NRXN2: variants seen among roughly 807,000 people sequenced by gnomAD.
NRXN2 encodes neurexin 2.
A neutral mutation model predicts 128.8 loss-of-function variants in NRXN2; 29 were observed. The observed-to-expected ratio is 0.23, with a 90% CI of 0.17 to 0.31. NRXN2 has a LOEUF of 0.31. Among genes scored for constraint, NRXN2 ranks in the 10% least tolerant of loss-of-function variants. NRXN2 has a pLI of 1.00. For missense variants in NRXN2, 1,881 were observed against 2,452.6 expected (o/e 0.77, Z 4.92); for synonymous variants, 1,098 against 1,075.2 (o/e 1.02, Z -0.41).
Position 64,706,025 on chromosome 11 carries a change from C to T in NRXN2, c.730+6945G>A, listed in dbSNP as rs76618506. Reference sequence around the variant, plus strand: ...TTCTTCACTACATAACTCTATAATCCCTCTGCACTTCACTCCCAGCTCCCT... The same window carrying T: ...TTCTTCACTACATAACTCTATAATCTCTCTGCACTTCACTCCCAGCTCCCT... On this transcript the variant is annotated intron_variant, in intron 2 of 22. Coordinates refer to ENST00000265459, the MANE Select transcript of NRXN2 (RefSeq NM_015080.4). Among the ~76,000 whole-genome samples the T allele has an allele frequency of 5.9e-3, 700 of 118,040 alleles. 13 individuals carry two copies. Among genetic ancestry groups the T allele is most frequent in the African/African-American group, 0.023 (675 of 29,804 alleles). 77.4% of individuals were successfully genotyped at this position (118,040 alleles called of 152,430 possible).
chr11:64,702,288 G>C (rs144878395), intron 2 of NRXN2, among the ~76,000 whole-genome samples: 1 of 152,188 alleles, frequency 6.6e-6, no homozygotes, highest in African/African-American at 2.4e-5. Context: ...GCCACCACCC[G>C]TCTGGGAGGT....
chr11:64,642,711 T>TGGC (rs761352974), intron 17 of NRXN2: 42 of 1,469,302 alleles, frequency 2.9e-5, no homozygotes, highest in Non-Finnish European at 1.4e-5. Flanking sequence ...GCAGCAGAGG[T>TGGC]GGCGGCGGCG....
At chr11:64,701,380 A>G (rs2055330446) in intron 2 of NRXN2, among the ~76,000 whole-genome samples, 1 of 152,156 alleles carries the variant, frequency 6.6e-6, no homozygotes, top group South Asian at 2.1e-4. Context: ...TCTGCACATA[A>G]TATTTCTTGT....
intron 22 of NRXN2, among the ~76,000 whole-genome samples, chr11:64,612,932 G>A (rs779033833): frequency 3.3e-5 from 5 of 152,180 alleles, no homozygotes; most frequent in Admixed American, 1.3e-4. Flanking sequence ...CAGTGGACAC[G>A]GTCCTGTTCT....
In NRXN2 at chr11:64,667,079, T is replaced by C; in HGVS notation, c.1798+171A>G. Among the ~76,000 whole-genome samples, 1 of 152,016 alleles carries C rather than the reference T, an allele frequency of 6.6e-6. No individual in the cohort carries two copies. Among genetic ancestry groups the C allele is most frequent in the African/African-American group, 2.4e-5 (1 of 41,374 alleles). On this transcript the variant is annotated intron_variant, in intron 9 of 22. Coordinates refer to ENST00000265459, the MANE Select transcript of NRXN2 (RefSeq NM_015080.4). The surrounding 1 kb of genome is among the most constrained non-coding windows in gnomAD (Gnocchi z 5.6). ...AAATGCTGTGCTCTTTCTGCCAATGTCCGATGACAGAAAGGACAATTGGGA... is the reference window on the plus strand; with the variant it reads ...AAATGCTGTGCTCTTTCTGCCAATGCCCGATGACAGAAAGGACAATTGGGA...
chr11:64,709,716 CT>C (rs2056704915), intron 2 of NRXN2, among the ~76,000 whole-genome samples: 1 of 152,098 alleles, frequency 6.6e-6, no homozygotes, highest in African/African-American at 2.4e-5. Flanking sequence ...CAAACACCCA[CT>C]AAGTGCCTGG....
At position 64,626,384 on chromosome 11, in the gene NRXN2, G is replaced by A. The variant is rs2043070239; in HGVS notation, c.3847+79C>T. On this transcript the variant is annotated intron_variant, in intron 20 of 22. Transcript: ENST00000265459. ...GGGTGGGCATTGGTGAAGGCACGGAGGGGGAAAGAGAGAGCTCTGCACCTT... is the reference window on the plus strand; with the variant it reads ...GGGTGGGCATTGGTGAAGGCACGGAAGGGGAAAGAGAGAGCTCTGCACCTT... 5 of 1,188,896 alleles carry A rather than the reference G, an allele frequency of 4.2e-6. No individual in the cohort carries two copies. In the Admixed American group the frequency reaches 7.5e-5, roughly 18 times the overall value. 73.6% of individuals were successfully genotyped at this position (1,188,896 alleles called of 1,614,324 possible).
intron 5 of NRXN2, among the ~76,000 whole-genome samples, chr11:64,690,154 T>C (rs746471479): frequency 1.3e-5 from 2 of 152,232 alleles, no homozygotes; most frequent in African/African-American, 2.4e-5. Context: ...CATAAAAAGA[T>C]ACCTGTGTTC....
At chr11:64,626,937 T>G (rs2043143986) in intron 19 of NRXN2, among the ~76,000 whole-genome samples, 1 of 152,108 alleles carries the variant, frequency 6.6e-6, no homozygotes, top group Admixed American at 6.5e-5. Flanking sequence ...TTTAGCAGGT[T>G]TAAGTTGGGG....
At chr11:64,678,902 A>G (rs1295144471) in intron 6 of NRXN2, among the ~76,000 whole-genome samples, 1 of 152,256 alleles carries the variant, frequency 6.6e-6, no homozygotes, top group Admixed American at 6.5e-5. Context: ...TAAGGGCCTC[A>G]TATAATTAAA....
intron 5 of NRXN2, chr11:64,688,422 G>A (rs907689884): frequency 6.1e-6 from 6 of 984,968 alleles, no homozygotes; most frequent in African/African-American, 5.2e-5. Context: ...AAGATGGTGA[G>A]GAGAGAGAGA....
At chr11:64,717,043 T>C (rs1823432684) in intron 1 of NRXN2, among the ~76,000 whole-genome samples, 1 of 152,098 alleles carries the variant, frequency 6.6e-6, no homozygotes, top group African/African-American at 2.4e-5. Context: ...GCTCCATCCT[T>C]CCTGAGCTCC....
At position 64,631,673 on chromosome 11, in the gene NRXN2, C is replaced by CT. The variant is rs1487750191; in HGVS notation, c.3586-1101dup. The stretch of plus-strand genomic sequence containing the variant: ...GCCCCAGATTTGAACCCCAGCTAGT[C>CT]TGACTTCAAAGCCAGTGTTCTCTCC... On this transcript the variant is annotated intron_variant, in intron 18 of 22. Transcript: ENST00000265459. This position sits in a 1 kb window ranked among gnomAD's most constrained non-coding sequence, Gnocchi z 4.8. 6.6e-6 allele frequency among the ~76,000 whole-genome samples: 1 copy of CT among 152,148 alleles called. No individual in the cohort carries two copies. The highest frequency in any genetic ancestry group is 2.4e-5 in the African/African-American group (1 of 41,408).
Position 64,651,736 on chromosome 11 carries a change from G to T in NRXN2, c.2537-100C>A, listed in dbSNP as rs2047481266. 2 of 1,347,074 alleles carry T rather than the reference G, an allele frequency of 1.5e-6. No homozygotes were observed. The highest frequency in any genetic ancestry group is 2.1e-6 in the Non-Finnish European group (2 of 961,064). The allele number at this position is 1,347,074 out of a possible 1,614,324, so 83.4% of individuals were successfully genotyped here. On this transcript the variant is annotated intron_variant, in intron 13 of 22. Coordinates refer to ENST00000265459, the MANE Select transcript of NRXN2 (RefSeq NM_015080.4). This position sits in a 1 kb window ranked among gnomAD's most constrained non-coding sequence, Gnocchi z 5.9. ...CCCTCCACAGGAGGGCCACCCATGA[G>T]TGACATCTTTAGAGATGTCCTCGGC...
In NRXN2 at chr11:64,648,086, A is replaced by G. The variant is rs2135442971; in HGVS notation, c.3403+133T>C. The G allele has an allele frequency of 7.7e-7, 1 of 1,300,238 alleles. No individual in the cohort carries two copies. Among genetic ancestry groups the G allele is most frequent in the Non-Finnish European group, 1.1e-6 (1 of 916,614 alleles). The allele number at this position is 1,300,238 out of a possible 1,614,324, so 80.5% of individuals were successfully genotyped here. On this transcript the variant is annotated intron_variant, in intron 17 of 22. Transcript: ENST00000265459. This position sits in a 1 kb window ranked among gnomAD's most constrained non-coding sequence, Gnocchi z 4.1. ...GGCCACAGCTCCCCTGGGACTCTGC[A>G]GACAAGGGATGAGAAGGAAGAAGCA... is the stretch of plus-strand genomic sequence containing the variant.
Position 64,630,204 on chromosome 11 carries a change from G to A in NRXN2, c.3757+198C>T, listed in dbSNP as rs2043680064. Among the ~76,000 whole-genome samples the A allele has an allele frequency of 6.7e-6, 1 of 148,948 alleles. No homozygotes were observed. Among genetic ancestry groups the A allele is most frequent in the African/African-American group, 2.5e-5 (1 of 40,320 alleles). The stretch of plus-strand genomic sequence containing the variant: ...CGCACCACCACGGTCTCGCCCCGCC[G>A]CCACAAATCCCGACTTTTCCTAGCC... On this transcript the variant is annotated intron_variant, in intron 19 of 22. Transcript: ENST00000265459. The surrounding 1 kb of genome is among the most constrained non-coding windows in gnomAD (Gnocchi z 4.6).
intron 6 of NRXN2, among the ~76,000 whole-genome samples, chr11:64,679,545 G>A (rs2051881943): frequency 1.3e-5 from 2 of 152,102 alleles, no homozygotes; most frequent in Admixed American, 6.5e-5. Context: ...GCTGAGGCAG[G>A]AGAATGGCGT....
chr11:64,635,346 G>A lies in NRXN2; in HGVS notation c.3510C>T (p.Ser1170=), dbSNP rs369081635. ...CCAGCACAGCGCTCCGCTGGTGGGT[G>A]CTGAAGCCCACGGCCAGGCGATCCA... ...TRMDRLAVGF[S]THQRSAVLVR... Residue 1170 remains serine, a synonymous_variant, in exon 18 of 23, where the codon AGC becomes AGT. Coordinates refer to ENST00000265459, the MANE Select transcript of NRXN2 (RefSeq NM_015080.4). The surrounding 1 kb of genome is among the most constrained non-coding windows in gnomAD (Gnocchi z 4.8). 4 of 1,613,502 alleles carry A rather than the reference G, an allele frequency of 2.5e-6. No individual in the cohort carries two copies. Among genetic ancestry groups the A allele is most frequent in the African/African-American group, 2.7e-5 (2 of 74,934 alleles).
rs769952655 is a variant in NRXN2 at position 64,720,694 on chromosome 11, G to A, written c.-245+2277C>T. Among the ~76,000 whole-genome samples, 19 of 152,318 alleles carry A rather than the reference G, an allele frequency of 1.2e-4. 1 individual carries two copies. Among genetic ancestry groups the A allele is most frequent in the South Asian group, 2.1e-4 (1 of 4,832 alleles). On this transcript the variant is annotated intron_variant, in intron 1 of 22. Transcript: ENST00000265459. Reference sequence around the variant, plus strand: ...AACATGTGCTGGTGTGCACACACACGTGCACACACACAAAGGCCTGGGGCA... The same window carrying A: ...AACATGTGCTGGTGTGCACACACACATGCACACACACAAAGGCCTGGGGCA...
Sources: allele counts gnomAD v4.1 joint callset (sites outside exome capture counted in the v4.1 genomes callset), GRCh38; gene constraint gnomAD v4.1.1; non-coding constraint Gnocchi (gnomAD v3.1); transcripts MANE v1.5; gene names NCBI Gene and HGNC (gene_info 2026-07-23, HGNC 2026-07-21).